The following PARG variants were observed in gnomAD, a reference collection of about 807,000 sequenced individuals.
PARG encodes the protein poly(ADP-ribose) glycohydrolase, also known as mitochondrial poly(ADP-ribose) glycohydrolase.
A neutral mutation model predicts 113.0 loss-of-function variants in PARG; 35 were observed. The observed-to-expected ratio is 0.31, with a 90% CI of 0.24 to 0.41. The LOEUF (loss-of-function observed/expected upper bound fraction) is 0.41, where lower values mean the gene tolerates loss of function less well. Among genes scored for constraint, PARG ranks in the 10% least tolerant of loss-of-function variants. PARG has a pLI of 1.00. For missense variants in PARG, 797 were observed against 1,169.4 expected (o/e 0.68, Z 4.64); for synonymous variants, 330 against 409.9 (o/e 0.81, Z 2.36).
chr10:49,842,714 G>A (rs1845304228), intron 14 of PARG, among the ~76,000 whole-genome samples: 1 of 152,146 alleles, frequency 6.6e-6, no homozygotes, highest in African/African-American at 2.4e-5. Flanking sequence ...TTATAAACTT[G>A]CATATATTGC....
chr10:49,840,382 C>T (rs1415179841), intron 15 of PARG, among the ~76,000 whole-genome samples: 1 of 150,314 alleles, frequency 6.7e-6, no homozygotes, highest in Non-Finnish European at 1.5e-5. Context: ...GCAACAAAGA[C>T]CCTGCTTCAA....
chr10:49,834,288 C>T (rs1293305016), intron 15 of PARG, among the ~76,000 whole-genome samples: 1 of 152,168 alleles, frequency 6.6e-6, no homozygotes, highest in Non-Finnish European at 1.5e-5. Flanking sequence ...CGCTTTGTTT[C>T]ATGTCAGAAT....
At chr10:49,897,789 C>T (rs1396644768) in intron 7 of PARG, among the ~76,000 whole-genome samples, 3 of 152,284 alleles carry the variant, frequency 2.0e-5, no homozygotes, top group African/African-American at 7.2e-5. Context: ...AGGTGGATCA[C>T]TTGAGGTCAA....
At chr10:49,936,203 G>C (rs1366019571) in intron 1 of PARG, among the ~76,000 whole-genome samples, 2 of 152,038 alleles carry the variant, frequency 1.3e-5, no homozygotes, top group African/African-American at 4.8e-5. Flanking sequence ...ACATAAACTA[G>C]TCCTTGTGAG....
intron 7 of PARG, among the ~76,000 whole-genome samples, chr10:49,891,511 T>G (rs1307657456): frequency 6.8e-6 from 1 of 146,076 alleles, no homozygotes; most frequent in East Asian, 2.0e-4. Flanking sequence ...ATGTGAAATT[T>G]TAGACAATTT....
chr10:49,886,631 A>C (rs1183258466), intron 7 of PARG, among the ~76,000 whole-genome samples: 1 of 152,236 alleles, frequency 6.6e-6, no homozygotes, highest in Non-Finnish European at 1.5e-5. Flanking sequence ...GAGGAAAAGC[A>C]ATCACAGCCC....
chr10:49,904,912 T>G (rs1324634984), intron 7 of PARG, among the ~76,000 whole-genome samples: 1 of 121,318 alleles, frequency 8.2e-6, no homozygotes, highest in Non-Finnish European at 1.7e-5. Flanking sequence ...CAAGAGAACA[T>G]CTCAAAAATA....
At chr10:49,887,226 T>C (rs143039615) in intron 7 of PARG, among the ~76,000 whole-genome samples, 2,756 of 152,192 alleles carry the variant, frequency 0.018, 74 homozygotes, top group African/African-American at 0.061. Context: ...CTATGTATTC[T>C]GAAATAATTA....
At chr10:49,835,023 C>G (rs1844847464) in intron 15 of PARG, among the ~76,000 whole-genome samples, 1 of 152,066 alleles carries the variant, frequency 6.6e-6, no homozygotes, top group Admixed American at 6.6e-5. Flanking sequence ...AAAGTCAGCC[C>G]AGGCTTCTCC....
intron 7 of PARG, among the ~76,000 whole-genome samples, chr10:49,906,225 T>C (rs1306206597): frequency 4.0e-5 from 6 of 148,516 alleles, no homozygotes; most frequent in Non-Finnish European, 9.0e-5. Context: ...TCAAGTGATC[T>C]GTCCACCTCA....
At chr10:49,940,726 C>T (rs1174399912) in intron 1 of PARG, among the ~76,000 whole-genome samples, 1 of 152,118 alleles carries the variant, frequency 6.6e-6, no homozygotes, top group African/African-American at 2.4e-5. Context: ...CGGGGTTTCA[C>T]CATATTGGTA....
intron 7 of PARG, among the ~76,000 whole-genome samples, chr10:49,888,066 G>A (rs1255549198): frequency 2.6e-5 from 4 of 151,984 alleles, no homozygotes; most frequent in African/African-American, 9.7e-5. Flanking sequence ...AGCTGCTGAA[G>A]GACTGCATTA....
chr10:49,849,093 G>T (rs1237667774), intron 13 of PARG, among the ~76,000 whole-genome samples: 7 of 152,084 alleles, frequency 4.6e-5, no homozygotes, highest in African/African-American at 1.7e-4. Flanking sequence ...TACTAGGGAG[G>T]CTGAGGCAGG....
intron 17 of PARG, 128 bp downstream of exon 17, chr10:49,820,037 C>G: frequency 1.5e-6 from 1 of 656,436 alleles, no homozygotes; most frequent in Non-Finnish European, 2.6e-6. Flanking sequence ...GAGGGTTTGT[C>G]CTTCCTGCTT....
Position 49,848,823 on chromosome 10 carries a change from G to A in PARG, c.2354-5191C>T, listed in dbSNP as rs193162456. Among the ~76,000 whole-genome samples, 136 of 152,238 alleles carry A rather than the reference G, an allele frequency of 8.9e-4. 1 individual carries two copies. The highest frequency in any genetic ancestry group is 3.2e-3 in the African/African-American group (131 of 41,530). On this transcript the variant is annotated intron_variant, in intron 13 of 17. Transcript: ENST00000616448. ...TTATGAAATGCTTACGGATAAATCT[G>A]ACAAAATGGGGAAGAATTATACAAT...
chr10:49,832,939 G>T, intron 15 of PARG, 31 bp from the exon 16 acceptor site: 4 of 1,144,476 alleles, frequency 3.5e-6, no homozygotes, highest in Non-Finnish European at 3.8e-6. Context: ...CAAAGCCTGT[G>T]AGTGCCTAGA....
intron 7 of PARG, among the ~76,000 whole-genome samples, chr10:49,902,005 C>T (rs1848368323): frequency 6.6e-6 from 1 of 152,156 alleles, no homozygotes; most frequent in Admixed American, 6.5e-5. Context: ...GACTGAAGAA[C>T]TGAATTTTAA....
chr10:49,935,770 G>A (rs1838712248), intron 1 of PARG, among the ~76,000 whole-genome samples: 1 of 151,960 alleles, frequency 6.6e-6, no homozygotes, highest in East Asian at 1.9e-4. Context: ...ATAAGCAAAG[G>A]CACCAATATC....
intron 16 of PARG, among the ~76,000 whole-genome samples, chr10:49,821,859 G>A (rs565354280): frequency 9.8e-4 from 149 of 152,126 alleles, no homozygotes; most frequent in African/African-American, 3.5e-3. Context: ...GAAGGGAAAG[G>A]AAGAAGAACA....
Sources: gnomAD v4.1 joint callset for allele counts (sites outside exome capture counted in the v4.1 genomes callset) on GRCh38, gnomAD v4.1.1 for gene constraint, MANE v1.5 for transcripts, NCBI Gene and HGNC (gene_info 2026-07-23, HGNC 2026-07-21) for gene names.